The following DYDC1 variants were observed in gnomAD, a reference collection of about 807,000 sequenced individuals.
DYDC1 encodes DPY30 domain-containing protein 1.
DYDC1 carries 21 observed loss-of-function variants against 27.9 expected under a neutral mutation model. The observed-to-expected ratio is 0.75, with a 90% CI of 0.53 to 1.08. DYDC1 has a LOEUF of 1.08. Among genes scored for constraint, DYDC1 ranks in the 50% least tolerant of loss-of-function variants. The pLI is 0.00. For synonymous variants in DYDC1, 67 were observed against 65.8 expected (o/e 1.02, Z -0.09); for missense variants, 202 against 205.9 (o/e 0.98, Z 0.12).
chr10:80,339,778 T>G (rs1396513165), intron 4 of DYDC1, among the ~76,000 whole-genome samples: 2 of 152,216 alleles, frequency 1.3e-5, no homozygotes, highest in African/African-American at 4.8e-5. Context: ...TTTTGGCTGC[T>G]AGAAGACCAG....
At chr10:80,351,551 A>G (rs1352616624) in intron 3 of DYDC1, among the ~76,000 whole-genome samples, 1 of 147,530 alleles carries the variant, frequency 6.8e-6, no homozygotes, top group African/African-American at 2.5e-5. Flanking sequence ...ACACTTTTCC[A>G]TTCAGCAATA....
chr10:80,340,852 C>T (rs1842294378), intron 4 of DYDC1, among the ~76,000 whole-genome samples: 1 of 152,300 alleles, frequency 6.6e-6, no homozygotes, highest in Non-Finnish European at 1.5e-5. Flanking sequence ...GAGAAAGGGG[C>T]TGCTTGTGTA....
chr10:80,346,795 C>T (rs1256898924), intron 3 of DYDC1, among the ~76,000 whole-genome samples: 1 of 152,024 alleles, frequency 6.6e-6, no homozygotes, highest in Non-Finnish European at 1.5e-5. Flanking sequence ...CCATCTTAGG[C>T]TGGTCACGGT....
At chr10:80,337,064 A>G in intron 6 of DYDC1, 1 of 947,298 alleles carries the variant, frequency 1.1e-6, no homozygotes, top group Non-Finnish European at 1.3e-6. Context: ...TTAAAATCAC[A>G]CCATTTTCCT....
chr10:80,342,494 C>T lies in DYDC1; in HGVS notation c.250-133G>A, dbSNP rs565740516. ...ATACTTTAGTTTCTACAAATGCTTC[C>T]TGAAGCATAAAATTTTTAAAAAAGA... On this transcript the variant is annotated intron_variant, in intron 3 of 6. Coordinates refer to ENST00000372202, the MANE Select transcript of DYDC1 (RefSeq NM_001269053.2). The T allele has an allele frequency of 1.1e-4, 76 of 696,586 alleles. No individual in the cohort carries two copies. The African/African-American group carries it at 1.3e-3, about 12-fold the overall frequency. The allele number at this position is 696,586 out of a possible 1,614,324, so 43.2% of individuals were successfully genotyped here.
chr10:80,351,934 C>G lies in DYDC1; in HGVS notation c.216G>C (p.Glu72Asp). Residue 72 changes from glutamate to aspartate, a missense_variant, in exon 3 of 7, where the codon GAG becomes GAC. By Grantham distance (45) the Glu-to-Asp change is conservative. Transcript: ENST00000372202. The part of the protein sequence containing the change: ...ELALMEQEMM[E>D]RLKAEELLLQ... ...GTAAGAGCTCCTCTGCTTTGAGCCT[C>G]TCCATCATTTCCTGCTCCATCAGAG... 6.2e-7 allele frequency: 1 copy of G among 1,614,206 alleles called. No individual in the cohort carries two copies. The highest frequency in any genetic ancestry group is 8.5e-7 in the Non-Finnish European group (1 of 1,180,044).
chr10:80,348,494 C>T (rs1156382392), intron 3 of DYDC1, among the ~76,000 whole-genome samples: 2 of 152,238 alleles, frequency 1.3e-5, no homozygotes, highest in African/African-American at 4.8e-5. Flanking sequence ...CTGCTTTATA[C>T]ACGTCCAGTG....
At chr10:80,339,749 C>T (rs1842257787) in intron 4 of DYDC1, among the ~76,000 whole-genome samples, 1 of 152,200 alleles carries the variant, frequency 6.6e-6, no homozygotes. Flanking sequence ...GGTGGCCTAA[C>T]TGACCCTGAG....
At chr10:80,356,546 GC>G in intron 1 of DYDC1, 165 bp downstream of exon 1, 1 of 985,528 alleles carries the variant, frequency 1.0e-6, no homozygotes, top group Non-Finnish European at 1.2e-6. Flanking sequence ...CAGGAGGACA[GC>G]TGGCCGCTTT....
chr10:80,341,867 A>C (rs549925609), intron 4 of DYDC1, among the ~76,000 whole-genome samples: 5 of 152,212 alleles, frequency 3.3e-5, no homozygotes, highest in Admixed American at 6.5e-5. Flanking sequence ...TCTACCAAAA[A>C]TACAAAATCA....
At chr10:80,348,802 T>C (rs959065985) in intron 3 of DYDC1, among the ~76,000 whole-genome samples, 1 of 152,186 alleles carries the variant, frequency 6.6e-6, no homozygotes, top group Non-Finnish European at 1.5e-5. Flanking sequence ...TATACACACA[T>C]AGACTGATAG....
intron 1 of DYDC1, 63 bp from the exon 2 acceptor site, chr10:80,352,673 A>C (rs1843075476): frequency 6.6e-7 from 1 of 1,517,588 alleles, no homozygotes; most frequent in South Asian, 1.4e-5. Context: ...ATAAAACTAA[A>C]GTCCAGTGAG....
chr10:80,338,301 A>C (rs188714872), intron 6 of DYDC1, 166 bp downstream of exon 6: 3 of 1,351,782 alleles, frequency 2.2e-6, no homozygotes, highest in Non-Finnish European at 2.8e-6. Context: ...AATGCCAATT[A>C]GGAATATAAT....
chr10:80,341,115 G>A, intron 4 of DYDC1, among the ~76,000 whole-genome samples: 1 of 151,916 alleles, frequency 6.6e-6, no homozygotes, highest in East Asian at 1.9e-4. Context: ...GAATAAAAAG[G>A]GGGAGAAACA....
intron 6 of DYDC1, chr10:80,337,269 G>A: frequency 4.1e-6 from 4 of 985,408 alleles, no homozygotes; most frequent in South Asian, 9.4e-5. Context: ...GGCCCCCAAG[G>A]GCAGAAGCCC....
chr10:80,338,072 A>G, intron 6 of DYDC1: 1 of 985,024 alleles, frequency 1.0e-6, no homozygotes, highest in Non-Finnish European at 1.2e-6. Flanking sequence ...CATGTTTCTT[A>G]AATAAACAAA....
intron 3 of DYDC1, among the ~76,000 whole-genome samples, 188 bp from the exon 4 acceptor site, chr10:80,342,549 A>G (rs1842370564): frequency 6.6e-6 from 1 of 152,264 alleles, no homozygotes; most frequent in Admixed American, 6.5e-5. Context: ...CAAATTATAG[A>G]AAGCACAATT....
intron 3 of DYDC1, among the ~76,000 whole-genome samples, chr10:80,349,207 A>T (rs1299723991): frequency 6.6e-6 from 1 of 152,214 alleles, no homozygotes; most frequent in Non-Finnish European, 1.5e-5. Flanking sequence ...TAAATATTTT[A>T]AAATAGATTT....
intron 3 of DYDC1, among the ~76,000 whole-genome samples, chr10:80,343,863 G>A (rs1027282194): frequency 6.6e-6 from 1 of 152,008 alleles, no homozygotes; most frequent in African/African-American, 2.4e-5. Context: ...GCTGGGCATG[G>A]TGGCTCACAC....
Sources: allele counts gnomAD v4.1 joint callset (sites outside exome capture counted in the v4.1 genomes callset), GRCh38; gene constraint gnomAD v4.1.1; transcripts MANE v1.5; gene names NCBI Gene and HGNC (gene_info 2026-07-23, HGNC 2026-07-21).